Variants in SOS1 observed in about 807,000 individuals in gnomAD.
The protein encoded by SOS1 is son of sevenless homolog 1.
A neutral mutation model predicts 157.6 loss-of-function variants in SOS1; 25 were observed. The observed-to-expected ratio is 0.16, with a 90% CI of 0.12 to 0.22. SOS1 has a LOEUF of 0.22. Ranked by LOEUF, SOS1 falls within the 10% of genes least tolerant of loss-of-function variation. The pLI is 1.00. For missense variants in SOS1, 1,237 were observed against 1,599.1 expected (o/e 0.77, Z 3.86); for synonymous variants, 528 against 534.0 (o/e 0.99, Z 0.16).
chr2:39,083,409 T>TCCA (rs1321608290), intron 1 of SOS1, among the ~76,000 whole-genome samples: 1 of 152,150 alleles, frequency 6.6e-6, no homozygotes. Context: ...AAAACCAGTC[T>TCCA]CCAGGAGCTT....
intron 4 of SOS1, among the ~76,000 whole-genome samples, chr2:39,055,038 T>C (rs1671160953): frequency 1.3e-5 from 2 of 152,240 alleles, no homozygotes; most frequent in South Asian, 2.1e-4. Flanking sequence ...CCAAGTTCTC[T>C]ATCACTACTA....
At chr2:39,012,550 C>G (rs528187959) in intron 13 of SOS1, among the ~76,000 whole-genome samples, 1 of 152,200 alleles carries the variant, frequency 6.6e-6, no homozygotes, top group South Asian at 2.1e-4. Flanking sequence ...ATTTGGGTAA[C>G]CACTGTTAAT....
chr2:39,006,988 T>C (rs983414099), intron 16 of SOS1, 43 bp downstream of exon 16: 9 of 1,310,178 alleles, frequency 6.9e-6, no homozygotes, highest in African/African-American at 1.4e-5. Flanking sequence ...ATTTTTCTAA[T>C]AGGGAATGAA....
chr2:39,107,065 T>C (rs1673220275), intron 1 of SOS1, among the ~76,000 whole-genome samples: 2 of 152,116 alleles, frequency 1.3e-5, no homozygotes, highest in Non-Finnish European at 2.9e-5. Flanking sequence ...CTTTTAAGAA[T>C]TCACCTTAAG....
chr2:39,060,468 G>A (rs953741993), intron 2 of SOS1, among the ~76,000 whole-genome samples: 4 of 152,012 alleles, frequency 2.6e-5, no homozygotes, highest in African/African-American at 7.2e-5. Context: ...GCTCTGTTGC[G>A]CAGGCTGGAG....
At chr2:39,069,118 G>T (rs980422447) in intron 1 of SOS1, among the ~76,000 whole-genome samples, 3 of 145,646 alleles carry the variant, frequency 2.1e-5, no homozygotes, top group African/African-American at 7.6e-5. Flanking sequence ...GGCTGAGGAA[G>T]GAGGAACACT....
At chr2:39,053,569 ATTTT>A (rs1251179160) in intron 5 of SOS1, among the ~76,000 whole-genome samples, 1 of 151,974 alleles carries the variant, frequency 6.6e-6, no homozygotes, top group East Asian at 1.9e-4. Context: ...AATCTCCTTT[ATTTT>A]TTAATTTTCA....
At chr2:39,088,485 T>TTC (rs1672461930) in intron 1 of SOS1, among the ~76,000 whole-genome samples, 1 of 152,016 alleles carries the variant, frequency 6.6e-6, no homozygotes, top group Admixed American at 6.6e-5. Context: ...AACTCCCCAA[T>TTC]TCCTCCTCCC....
chr2:39,053,629 C>G (rs1436665894), intron 5 of SOS1, among the ~76,000 whole-genome samples: 1 of 152,140 alleles, frequency 6.6e-6, no homozygotes, highest in African/African-American at 2.4e-5. Context: ...GTAGTGAGCA[C>G]TGTTTCTCTT....
intron 1 of SOS1, among the ~76,000 whole-genome samples, chr2:39,076,380 C>T (rs1232522809): frequency 6.6e-6 from 1 of 151,074 alleles, no homozygotes; most frequent in Non-Finnish European, 1.5e-5. Context: ...GCCTGGGTGA[C>T]AGACTGAGAC....
At chr2:39,083,082 G>C (rs746200238) in intron 1 of SOS1, among the ~76,000 whole-genome samples, 3 of 152,150 alleles carry the variant, frequency 2.0e-5, no homozygotes, top group Non-Finnish European at 4.4e-5. Context: ...GGCAGTTCTA[G>C]CTGCTGGACT....
intron 9 of SOS1, 46 bp downstream of exon 9, chr2:39,023,964 C>A: frequency 7.1e-7 from 1 of 1,412,040 alleles, no homozygotes; most frequent in Non-Finnish European, 1.0e-6. Context: ...ATTTACACCA[C>A]AATATTCAGG....
chr2:39,112,885 A>G (rs1217778747), intron 1 of SOS1, among the ~76,000 whole-genome samples: 2 of 152,006 alleles, frequency 1.3e-5, no homozygotes, highest in Non-Finnish European at 2.9e-5. Flanking sequence ...CTAAAACACA[A>G]AAGATTAGCT....
In SOS1 at chr2:39,000,605, C is replaced by T. The variant is rs375998758; in HGVS notation, c.2792-3180G>A. Among the ~76,000 whole-genome samples, 31 of 152,290 alleles carry T rather than the reference C, an allele frequency of 2.0e-4. No individual in the cohort carries two copies. The East Asian group carries it at 5.2e-3, about 26-fold the overall frequency. On this transcript the variant is annotated intron_variant, in intron 17 of 22. Coordinates refer to ENST00000402219, the MANE Select transcript of SOS1 (RefSeq NM_005633.4). ...TTGCTGATGTCTTTCCCATCCTTCC[C>T]AGGATAAAGTAGCTGCTTAGGATTC...
chr2:39,098,618 G>A (rs539623967), intron 1 of SOS1, among the ~76,000 whole-genome samples: 62 of 152,260 alleles, frequency 4.1e-4, no homozygotes, highest in Non-Finnish European at 7.6e-4. Flanking sequence ...GGCCGGGTGC[G>A]GTGGCTCACG....
chr2:39,101,894 G>C (rs1263365576), intron 1 of SOS1, among the ~76,000 whole-genome samples: 1 of 151,890 alleles, frequency 6.6e-6, no homozygotes, highest in Non-Finnish European at 1.5e-5. Flanking sequence ...GTTTCATTTT[G>C]ATTCTTTTTT....
chr2:39,026,031 G>C (rs1198675954), intron 8 of SOS1, among the ~76,000 whole-genome samples: 1 of 151,994 alleles, frequency 6.6e-6, no homozygotes, highest in Non-Finnish European at 1.5e-5. Flanking sequence ...TACATTTTTA[G>C]GAAAATTTTC....
At chr2:39,098,083 T>G (rs986592564) in intron 1 of SOS1, 1 of 152,584 alleles carries the variant, frequency 6.6e-6, no homozygotes, top group Admixed American at 6.5e-5. Flanking sequence ...TTATTTTACA[T>G]GATAGAAGAT....
intron 1 of SOS1, among the ~76,000 whole-genome samples, chr2:39,078,171 A>G (rs1399224226): frequency 6.6e-6 from 1 of 152,194 alleles, no homozygotes; most frequent in Non-Finnish European, 1.5e-5. Flanking sequence ...AAAGGTGCTC[A>G]GCCTCAATCT....
Sources: allele counts gnomAD v4.1 joint callset (sites outside exome capture counted in the v4.1 genomes callset), GRCh38; gene constraint gnomAD v4.1.1; transcripts MANE v1.5; gene names NCBI Gene and HGNC (gene_info 2026-07-23, HGNC 2026-07-21).